Variants in RFX3 observed in about 807,000 individuals in gnomAD.
The protein encoded by RFX3 is regulatory factor X3.
Under a neutral mutation model 98.6 loss-of-function variants are expected in RFX3, and 14 were observed. The ratio of observed to expected loss-of-function variants is 0.14; its 90% CI spans 0.09 to 0.22. The LOEUF (loss-of-function observed/expected upper bound fraction) is 0.22, where lower values mean the gene tolerates loss of function less well. Ranked by LOEUF, RFX3 falls within the 10% of genes least tolerant of loss-of-function variation. The pLI is 1.00. For synonymous variants in RFX3, 383 were observed against 328.4 expected (o/e 1.17, Z -1.80); for missense variants, 639 against 926.9 (o/e 0.69, Z 4.03).
At chr9:3,453,236 C>A (rs897761426) in intron 1 of RFX3, among the ~76,000 whole-genome samples, 1 of 152,008 alleles carries the variant, frequency 6.6e-6, no homozygotes, top group Non-Finnish European at 1.5e-5. Context: ...GATCCAGAAG[C>A]AACTCCCAAG....
At chr9:3,371,491 T>A (rs1275254480) in intron 2 of RFX3, among the ~76,000 whole-genome samples, 1 of 152,174 alleles carries the variant, frequency 6.6e-6, no homozygotes, top group Non-Finnish European at 1.5e-5. Flanking sequence ...GTGATCTGTA[T>A]AACTAAAATC....
intron 11 of RFX3, among the ~76,000 whole-genome samples, chr9:3,269,648 C>G (rs1168150280): frequency 6.6e-6 from 1 of 152,120 alleles, no homozygotes; most frequent in Non-Finnish European, 1.5e-5. Flanking sequence ...GTTTAAAAAG[C>G]ACCATCACTT....
chr9:3,454,021 T>G (rs144797319), intron 1 of RFX3, among the ~76,000 whole-genome samples: 308 of 152,316 alleles, frequency 2.0e-3, no homozygotes, highest in African/African-American at 7.0e-3. Context: ...GTAGTACATA[T>G]AAATATATTA....
intron 1 of RFX3, among the ~76,000 whole-genome samples, chr9:3,416,497 AG>A (rs143029455): frequency 0.13 from 20,536 of 152,132 alleles, 1,720 homozygotes; most frequent in African/African-American, 0.23. Context: ...TATTCTTATT[AG>A]GGGGAAAAAA....
chr9:3,420,979 A>C, intron 1 of RFX3: 1 of 910,604 alleles, frequency 1.1e-6, no homozygotes, highest in Non-Finnish European at 1.3e-6. Context: ...GGAGTAATGA[A>C]ATCTGTGGAC....
At chr9:3,413,686 A>G (rs1226312604) in intron 1 of RFX3, among the ~76,000 whole-genome samples, 2 of 152,122 alleles carry the variant, frequency 1.3e-5, no homozygotes, top group Non-Finnish European at 2.9e-5. Flanking sequence ...TCACCCTAAC[A>G]GTTCATTGCT....
chr9:3,382,302 T>C (rs1028937969), intron 2 of RFX3, among the ~76,000 whole-genome samples: 1 of 152,214 alleles, frequency 6.6e-6, no homozygotes, highest in South Asian at 2.1e-4. Context: ...AGATGAAAAG[T>C]TGTACCTTTG....
intron 1 of RFX3, among the ~76,000 whole-genome samples, chr9:3,423,581 A>G (rs865999486): frequency 4.9e-4 from 75 of 151,864 alleles, no homozygotes; most frequent in African/African-American, 1.7e-3. Flanking sequence ...AGAAAACAGA[A>G]ATCTCATCTA....
chr9:3,391,327 G>GA (rs879806564), intron 2 of RFX3, among the ~76,000 whole-genome samples: 48 of 148,872 alleles, frequency 3.2e-4, no homozygotes, highest in African/African-American at 9.8e-4. Flanking sequence ...TTCTACTTAA[G>GA]AAAAAAAAAG....
intron 1 of RFX3, among the ~76,000 whole-genome samples, chr9:3,485,441 T>C (rs1850178519): frequency 6.6e-6 from 1 of 152,222 alleles, no homozygotes; most frequent in South Asian, 2.1e-4. Flanking sequence ...AGTGAACCAA[T>C]AGTCAAACTC....
intron 4 of RFX3, among the ~76,000 whole-genome samples, chr9:3,322,827 A>G (rs967448431): frequency 6.6e-6 from 1 of 152,182 alleles, no homozygotes; most frequent in African/African-American, 2.4e-5. Flanking sequence ...TCAAGTACAC[A>G]ATCACATCAT....
intron 1 of RFX3, among the ~76,000 whole-genome samples, chr9:3,480,467 C>T (rs903607806): frequency 6.6e-6 from 1 of 152,184 alleles, no homozygotes; most frequent in Non-Finnish European, 1.5e-5. Context: ...AAACAAGCTA[C>T]AGGCCCAACC....
In RFX3 at chr9:3,227,243, A is replaced by C. The variant is rs570261121; in HGVS notation, c.2011+1604T>G. ...GGAGGGCAGTGGAGACAAAGTGAGG[A>C]AAGTTCCTCTGTCTATTTTGTTGTG... On this transcript the variant is annotated intron_variant, in intron 16 of 16. Coordinates refer to ENST00000617270, the MANE Select transcript of RFX3 (RefSeq NM_001282116.2). Among the ~76,000 whole-genome samples, 216 of 152,312 alleles carry C rather than the reference A, an allele frequency of 1.4e-3. 7 individuals carry two copies. The South Asian group carries it at 0.042, about 30-fold the overall frequency.
chr9:3,244,218 C>T (rs1429748873), intron 15 of RFX3, among the ~76,000 whole-genome samples: 1 of 151,934 alleles, frequency 6.6e-6, no homozygotes, highest in Non-Finnish European at 1.5e-5. Flanking sequence ...ATTGGTTAGG[C>T]TGGTCTCAAA....
rs1404270313 is a variant in RFX3 at position 3,223,607 on chromosome 9, A to C, written c.*1435T>G. 6.6e-6 allele frequency: 1 copy of C among 152,210 alleles called. No individual in the cohort carries two copies. The highest frequency in any genetic ancestry group is 1.5e-5 in the Non-Finnish European group (1 of 68,046). The allele number at this position is 152,210 out of a possible 1,614,324, so 9.4% of individuals were successfully genotyped here. On this transcript the variant is annotated 3_prime_UTR_variant, in exon 17 of 17. Transcript: ENST00000617270. Reference sequence around the variant, plus strand: ...AAGTAATATTCAGCTCTAAGAATAAAAAATAGATCCACGGTCACTCAAAGA... The same window carrying C: ...AAGTAATATTCAGCTCTAAGAATAACAAATAGATCCACGGTCACTCAAAGA...
chr9:3,423,728 ACT>A (rs1843656220), intron 1 of RFX3, among the ~76,000 whole-genome samples: 1 of 145,672 alleles, frequency 6.9e-6, no homozygotes, highest in Admixed American at 7.0e-5. Context: ...TAAAAACTCA[ACT>A]CAACATTTTT....
At chr9:3,419,005 C>A (rs897528161) in intron 1 of RFX3, among the ~76,000 whole-genome samples, 2 of 152,228 alleles carry the variant, frequency 1.3e-5, no homozygotes, top group Middle Eastern at 6.8e-3. Flanking sequence ...TTATTATATG[C>A]TCCATTCAAC....
chr9:3,394,388 G>A (rs934664922), intron 2 of RFX3, among the ~76,000 whole-genome samples: 1 of 152,104 alleles, frequency 6.6e-6, no homozygotes, highest in Non-Finnish European at 1.5e-5. Context: ...GTGTGAACCC[G>A]GGAGGCAGAG....
rs77540330 is a variant in RFX3 at position 3,246,364 on chromosome 9, G to A, written c.1968+1668C>T. On this transcript the variant is annotated intron_variant, in intron 15 of 16. Coordinates refer to ENST00000617270, the MANE Select transcript of RFX3 (RefSeq NM_001282116.2). The stretch of plus-strand genomic sequence containing the variant: ...TGTAGCCCATTTTAATTCTGGTGCC[G>A]CCTGTGCAAGCATACCAGGAGGTTG... Among the ~76,000 whole-genome samples, 1,205 of 151,878 alleles carry A rather than the reference G, an allele frequency of 7.9e-3. 15 individuals are homozygous for A. The highest frequency in any genetic ancestry group is 0.028 in the African/African-American group (1,143 of 41,390).
Sources: allele counts gnomAD v4.1 joint callset (sites outside exome capture counted in the v4.1 genomes callset), GRCh38; gene constraint gnomAD v4.1.1; transcripts MANE v1.5; gene names NCBI Gene and HGNC (gene_info 2026-07-23, HGNC 2026-07-21).